Variants in XPO5 observed in about 807,000 individuals in gnomAD.
XPO5 encodes the protein exportin 5.
Under a neutral mutation model 160.6 loss-of-function variants are expected in XPO5, and 46 were observed. That is an observed-to-expected ratio of 0.29 (90% confidence interval 0.23 to 0.37). XPO5 has a LOEUF of 0.37. XPO5 is among the 10% of genes least tolerant of loss of function. The pLI is 1.00. For missense variants in XPO5, 1,090 were observed against 1,463.9 expected, an observed-to-expected ratio of 0.74 and a Z score of 4.17; for synonymous variants, 537 against 519.3, an observed-to-expected ratio of 1.03 and a Z score of -0.46.
intron 8 of XPO5, among the ~76,000 whole-genome samples, chr6:43,564,558 A>G (rs1762594027): frequency 6.6e-6 from 1 of 152,114 alleles, no homozygotes. Flanking sequence ...TTTCTTCAAT[A>G]ATGAATTAAC....
At chr6:43,533,849 AG>A in intron 21 of XPO5, 57 bp downstream of exon 21, 1 of 1,317,488 alleles carries the variant, frequency 7.6e-7, no homozygotes, top group Non-Finnish European at 1.1e-6. Context: ...CAACAAAAAA[AG>A]GGGACATCCA....
At chr6:43,543,440 A>G (rs371286680) in intron 20 of XPO5, among the ~76,000 whole-genome samples, 4 of 152,070 alleles carry the variant, frequency 2.6e-5, no homozygotes, top group African/African-American at 9.7e-5. Context: ...GCGACAGGAT[A>G]AGATCGTGCC....
Position 43,567,369 on chromosome 6 carries a change from G to GT in XPO5, c.649-16dup, listed in dbSNP as rs754030772. On this transcript the variant is annotated splice_polypyrimidine_tract_variant and intron_variant, in intron 6 of 31. Transcript: ENST00000265351. ...TTTGCTTGCGCCTACCAGAAAAGAA[G>GT]TAACTTTGGACCATGAAGTCCTCGG... 1.4e-5 allele frequency: 22 copies of GT among 1,593,050 alleles called. No homozygotes were observed. Among genetic ancestry groups the GT allele is most frequent in the Non-Finnish European group, 1.9e-5 (22 of 1,170,542 alleles).
intron 17 of XPO5, 140 bp from the exon 18 acceptor site, chr6:43,548,600 T>C: frequency 1.5e-6 from 1 of 684,422 alleles, no homozygotes; most frequent in Non-Finnish European, 2.2e-6. Flanking sequence ...GGTAATTCTG[T>C]TATATGTCTT....
intron 14 of XPO5, among the ~76,000 whole-genome samples, chr6:43,552,867 T>C (rs1010847146): frequency 1.3e-5 from 2 of 152,210 alleles, no homozygotes; most frequent in East Asian, 1.9e-4. Context: ...TTAAAATGTA[T>C]ACTAAATGTG....
intron 20 of XPO5, chr6:43,538,933 C>T (rs753556852): frequency 7.7e-7 from 1 of 1,292,832 alleles, no homozygotes; most frequent in Non-Finnish European, 1.1e-6. Context: ...ATACAGTCTC[C>T]TTCCAGAGGT....
In XPO5 at chr6:43,524,545, T is replaced by C; in HGVS notation, c.3403A>G (p.Asn1135Asp). Residue 1135 changes from asparagine (N) to aspartate (D), a missense_variant, in exon 31 of 32, where the codon AAC becomes GAC. By Grantham distance (23) the Asn-to-Asp change is conservative. Around this residue, in one of 3 missense-constraint regions of XPO5, gnomAD observed 810 missense variants for 1,139.0 expected, o/e 0.71. Coordinates refer to ENST00000265351, the MANE Select transcript of XPO5 (RefSeq NM_020750.3). ...TCAGCCACTTTCTGCAGGGAGGGGT[T>C]TAAAAGCTTGCAGTCAAACTGGTCC... ...SLDQFDCKLL[N>D]PSLQKVADKR... 1 of 1,613,930 alleles carries C rather than the reference T, an allele frequency of 6.2e-7. No homozygotes were observed. The highest frequency in any genetic ancestry group is 1.1e-5 in the South Asian group (1 of 91,080).
At chr6:43,528,692 T>G (rs1582196960) in intron 24 of XPO5, 136 bp downstream of exon 24, 1 of 782,946 alleles carries the variant, frequency 1.3e-6, no homozygotes, top group South Asian at 1.6e-5. Context: ...GATAGTCAGC[T>G]GGGGTAGAAG....
chr6:43,570,139 C>T (rs1043778213), intron 5 of XPO5, among the ~76,000 whole-genome samples: 17 of 149,514 alleles, frequency 1.1e-4, no homozygotes, highest in Admixed American at 3.4e-4. Flanking sequence ...AGTGAAACCC[C>T]GTCTCTACTA....
chr6:43,530,523 T>C (rs1793902305), intron 23 of XPO5, 165 bp downstream of exon 23: 3 of 840,582 alleles, frequency 3.6e-6, no homozygotes, highest in Non-Finnish European at 5.2e-6. Flanking sequence ...GCCTTCATGT[T>C]TTCCCTGCAA....
chr6:43,537,685 C>T (rs1039444857), intron 20 of XPO5, among the ~76,000 whole-genome samples: 1 of 152,118 alleles, frequency 6.6e-6, no homozygotes, highest in South Asian at 2.1e-4. Flanking sequence ...TAGACAAGAT[C>T]AAACAATACT....
intron 1 of XPO5, among the ~76,000 whole-genome samples, chr6:43,573,956 T>C (rs1338775631): frequency 6.6e-6 from 1 of 151,380 alleles, no homozygotes; most frequent in Admixed American, 6.6e-5. Flanking sequence ...CCTGAGCCCA[T>C]GTAGCTGGGA....
At chr6:43,526,828 C>T (rs1793624831) in intron 26 of XPO5, 81 bp from the exon 27 acceptor site, 3 of 1,452,184 alleles carry the variant, frequency 2.1e-6, no homozygotes, top group South Asian at 2.4e-5. Flanking sequence ...CTGATCCCAA[C>T]CTGTCTCTGG....
At chr6:43,557,259 T>C (rs1762143328) in intron 12 of XPO5, among the ~76,000 whole-genome samples, 1 of 151,890 alleles carries the variant, frequency 6.6e-6, no homozygotes, top group Non-Finnish European at 1.5e-5. Flanking sequence ...ACCCTGTCTC[T>C]ACTAAAAACA....
Position 43,558,654 on chromosome 6 carries a change from C to A in XPO5, c.1222-63G>T, listed in dbSNP as rs1762243677. 11 of 1,275,322 alleles carry A rather than the reference C, an allele frequency of 8.6e-6. No homozygotes were observed. In the South Asian group the frequency reaches 1.3e-4, roughly 15 times the overall value. 79.0% of individuals were successfully genotyped at this position (1,275,322 alleles called of 1,614,324 possible). A position where few individuals can be genotyped will look rare whatever the true frequency, so the allele number is the denominator to read the frequency against. On this transcript the variant is annotated intron_variant, in intron 11 of 31. Coordinates refer to ENST00000265351, the MANE Select transcript of XPO5 (RefSeq NM_020750.3). ...TGGACCCACTGAAAGAGTTTTTAAG[C>A]TTCAGGAGTTCAAGCACTTTTAATT...
chr6:43,537,645 G>A (rs888855587), intron 20 of XPO5, among the ~76,000 whole-genome samples: 3 of 152,100 alleles, frequency 2.0e-5, no homozygotes, highest in South Asian at 2.1e-4. Context: ...ACATATTCAC[G>A]TGTAACAAAA....
chr6:43,538,082 C>CA (rs1217531011), intron 20 of XPO5, among the ~76,000 whole-genome samples: 1,705 of 35,952 alleles, frequency 0.047, 96 homozygotes, highest in Non-Finnish European at 0.064. Flanking sequence ...AAGATGGTCT[C>CA]AAAAAAAAAA....
intron 8 of XPO5, among the ~76,000 whole-genome samples, chr6:43,563,807 A>G (rs1041538862): frequency 6.6e-6 from 1 of 152,240 alleles, no homozygotes; most frequent in Non-Finnish European, 1.5e-5. Context: ...GAATGACTGC[A>G]GGACAGAAAA....
In XPO5 at chr6:43,528,143, G is replaced by A. The variant is rs376689943; in HGVS notation, c.2822+16C>T. On this transcript the variant is annotated intron_variant, in intron 25 of 31. Coordinates refer to ENST00000265351, the MANE Select transcript of XPO5 (RefSeq NM_020750.3). The stretch of plus-strand genomic sequence containing the variant: ...GCCAGTTCATCCACCAAGAAGAGTG[G>A]GTAGGTATCCCTTACCACAGCAGGC... 7.6e-6 allele frequency: 12 copies of A among 1,585,096 alleles called. No homozygotes were observed. The African/African-American group carries it at 8.1e-5, about 11-fold the overall frequency.
Sources: gnomAD v4.1 joint callset for allele counts (sites outside exome capture counted in the v4.1 genomes callset) on GRCh38, gnomAD v4.1.1 for gene constraint, gnomAD v4.1.1 regional missense constraint, MANE v1.5 for transcripts, NCBI Gene and HGNC (gene_info 2026-07-23, HGNC 2026-07-21) for gene names.